Variants in TENM3 observed in about 807,000 individuals in gnomAD.
TENM3 encodes the protein teneurin-3.
Under a neutral mutation model 255.1 loss-of-function variants are expected in TENM3, and 63 were observed. The observed-to-expected ratio is 0.25, with a 90% CI of 0.20 to 0.30. TENM3 has a LOEUF of 0.30. Among genes scored for constraint, TENM3 ranks in the 10% least tolerant of loss-of-function variants. The pLI is 1.00. For missense variants in TENM3, 2,929 were observed against 3,461.1 expected, an observed-to-expected ratio of 0.85 and a Z score of 3.86; for synonymous variants, 1,306 against 1,322.3, an observed-to-expected ratio of 0.99 and a Z score of 0.27.
chr4:182,530,820 A>T (rs2151838190), intron 3 of TENM3, among the ~76,000 whole-genome samples: 1 of 152,282 alleles, frequency 6.6e-6, no homozygotes, highest in South Asian at 2.1e-4. Flanking sequence ...TGAATCTTAG[A>T]TGTTTGGCTT....
chr4:182,509,904 T>C (rs1390862918), intron 3 of TENM3, among the ~76,000 whole-genome samples: 1 of 122,810 alleles, frequency 8.1e-6, no homozygotes, highest in African/African-American at 3.1e-5. Context: ...GCCATTGCAC[T>C]CCAACCTGGA....
the TENM3 span, among the ~76,000 whole-genome samples, chr4:181,880,638 C>A: frequency 6.6e-6 from 1 of 152,232 alleles, no homozygotes; most frequent in African/African-American, 2.4e-5. Flanking sequence ...GGAAAATTGT[C>A]AACAACTACA....
chr4:181,543,465 G>C, the TENM3 span, among the ~76,000 whole-genome samples: 1 of 152,164 alleles, frequency 6.6e-6, no homozygotes, highest in Admixed American at 6.5e-5. Flanking sequence ...TACTATGAAA[G>C]GCATTGATTT....
intron 1 of TENM3, among the ~76,000 whole-genome samples, chr4:182,167,482 G>A (rs1751796747): frequency 6.6e-6 from 1 of 152,138 alleles, no homozygotes; most frequent in Non-Finnish European, 1.5e-5. Flanking sequence ...TTAGATTCAG[G>A]AGGCATAACA....
chr4:182,788,363 C>T (rs768232224), intron 24 of TENM3, among the ~76,000 whole-genome samples: 151 of 152,318 alleles, frequency 9.9e-4, no homozygotes, highest in Non-Finnish European at 1.4e-3. Context: ...GGATGGCAGA[C>T]GGTAACAGCC....
intron 3 of TENM3, among the ~76,000 whole-genome samples, chr4:182,515,428 C>G (rs1213709827): frequency 5.9e-5 from 9 of 152,020 alleles, no homozygotes; most frequent in South Asian, 2.1e-4. Context: ...AGATTACAGC[C>G]ATTTCAGTTA....
chr4:181,955,583 T>G, the TENM3 span, among the ~76,000 whole-genome samples: 1 of 152,164 alleles, frequency 6.6e-6, no homozygotes, highest in Non-Finnish European at 1.5e-5. Context: ...AAGGATGGTC[T>G]GATGGCAATC....
intron 3 of TENM3, among the ~76,000 whole-genome samples, chr4:182,573,449 A>G (rs1052128444): frequency 6.6e-6 from 1 of 152,190 alleles, no homozygotes; most frequent in Non-Finnish European, 1.5e-5. Flanking sequence ...AATCCCTCAC[A>G]TCATATTTTT....
At chr4:182,270,787 CTCT>C (rs1463857429) in intron 1 of TENM3, among the ~76,000 whole-genome samples, 6 of 152,172 alleles carry the variant, frequency 3.9e-5, no homozygotes, top group African/African-American at 1.4e-4. Context: ...AGTCTGGACC[CTCT>C]AAAGATGGAG....
intron 5 of TENM3, among the ~76,000 whole-genome samples, chr4:182,642,459 A>G (rs1344271509): frequency 6.6e-6 from 1 of 152,234 alleles, no homozygotes; most frequent in African/African-American, 2.4e-5. Flanking sequence ...GAAACTTTCA[A>G]GTAGAATTGT....
the TENM3 span, among the ~76,000 whole-genome samples, chr4:181,956,378 A>G: frequency 2.6e-4 from 40 of 152,340 alleles, no homozygotes; most frequent in African/African-American, 9.1e-4. Flanking sequence ...TCCATTTTCA[A>G]TAGACACCCA....
the TENM3 span, among the ~76,000 whole-genome samples, chr4:181,849,930 T>TC: frequency 1.5e-4 from 13 of 84,098 alleles, no homozygotes; most frequent in South Asian, 1.9e-3. Flanking sequence ...CTCTCTCTCT[T>TC]TCTCTCTCTC....
intron 1 of TENM3, among the ~76,000 whole-genome samples, chr4:182,156,856 G>A (rs1750741726): frequency 6.6e-6 from 1 of 152,158 alleles, no homozygotes; most frequent in Non-Finnish European, 1.5e-5. Context: ...CCAAGTGGCT[G>A]TGTCCTGGGA....
the TENM3 span, among the ~76,000 whole-genome samples, chr4:182,055,183 C>CA: frequency 2.8e-4 from 42 of 152,020 alleles, no homozygotes; most frequent in Admixed American, 1.1e-3. Flanking sequence ...CCCATCCCTA[C>CA]AAAAAATACA....
chr4:182,377,810 C>G (rs1032180102), intron 3 of TENM3, among the ~76,000 whole-genome samples: 1 of 152,138 alleles, frequency 6.6e-6, no homozygotes, highest in Admixed American at 6.5e-5. Flanking sequence ...GATGCTAGCA[C>G]GTTATCCTAG....
At chr4:182,237,741 T>C (rs1027537744) in intron 1 of TENM3, among the ~76,000 whole-genome samples, 17 of 152,238 alleles carry the variant, frequency 1.1e-4, no homozygotes, top group Non-Finnish European at 2.5e-4. Context: ...CATGTTAACA[T>C]TTCTTCCATA....
chr4:181,816,176 C>T, the TENM3 span, among the ~76,000 whole-genome samples: 8,120 of 152,230 alleles, frequency 0.053, 288 homozygotes, highest in South Asian at 0.15. Flanking sequence ...GTCCTGTCTT[C>T]TCAATGTGGC....
chr4:182,118,067 C>T, the TENM3 span, among the ~76,000 whole-genome samples: 2 of 152,070 alleles, frequency 1.3e-5, no homozygotes, highest in Non-Finnish European at 2.9e-5. Context: ...TGCTGCTATA[C>T]AGAAAAGTGA....
intron 4 of TENM3, among the ~76,000 whole-genome samples, chr4:182,605,445 A>G (rs1007571729): frequency 2.0e-5 from 3 of 151,220 alleles, no homozygotes; most frequent in African/African-American, 2.4e-5. Context: ...ACCTGGGCCA[A>G]TGGTAGGAAA....
Sources: allele counts gnomAD v4.1 joint callset (sites outside exome capture counted in the v4.1 genomes callset), GRCh38; gene constraint gnomAD v4.1.1; transcripts MANE v1.5; gene names NCBI Gene and HGNC (gene_info 2026-07-23, HGNC 2026-07-21).